Variants in SPSB4 observed in about 807,000 individuals in gnomAD.
SPSB4 encodes splA/ryanodine receptor domain and SOCS box containing 4.
In SPSB4, 21 loss-of-function variants were observed where a neutral mutation model predicts 20.9. That is an observed-to-expected ratio of 1.01 (90% confidence interval 0.71 to 1.45). The LOEUF (loss-of-function observed/expected upper bound fraction) is 1.45. Among genes scored for constraint, SPSB4 ranks in the 40% most tolerant of loss-of-function variants. The pLI, the probability that SPSB4 is intolerant of heterozygous loss-of-function variation, is 0.00. For missense variants in SPSB4, 399 were observed against 399.2 expected (o/e 1.00, Z 0.00); for synonymous variants, 207 against 183.8 (o/e 1.13, Z -1.02).
chr3:141,099,440 T>C (rs1157511913), intron 2 of SPSB4, among the ~76,000 whole-genome samples: 2 of 152,224 alleles, frequency 1.3e-5, no homozygotes, highest in Non-Finnish European at 2.9e-5. Context: ...ATTTTGTATG[T>C]ATAGATTGCT....
At chr3:141,087,298 C>T (rs527488938) in intron 2 of SPSB4, among the ~76,000 whole-genome samples, 1 of 152,260 alleles carries the variant, frequency 6.6e-6, no homozygotes, top group African/African-American at 2.4e-5. Flanking sequence ...TTTAGACTTC[C>T]TGTAGGCAGT....
intron 2 of SPSB4, among the ~76,000 whole-genome samples, chr3:141,076,657 T>TG (rs1470992724): frequency 6.6e-6 from 1 of 152,158 alleles, no homozygotes; most frequent in Non-Finnish European, 1.5e-5. Flanking sequence ...AGCAGTTGCT[T>TG]GGGGGGTGTC....
rs559763919 is a variant in SPSB4, at chr3:141,132,260, C to T, written c.695-14882C>T. 35 of 411,760 alleles carry T rather than the reference C, an allele frequency of 8.5e-5. 1 individual carries two copies. The highest frequency in any genetic ancestry group is 1.8e-4 in the South Asian group (11 of 59,528). The allele number at this position is 411,760 out of a possible 1,614,324, so 25.5% of individuals were successfully genotyped here. A position where few individuals can be genotyped will look rare whatever the true frequency, so the allele number is the denominator to read the frequency against. ...TCGGCTCACTGCAACCTCCGCCTCC[C>T]GGGTTCAAGCTATTCTTCTGCCTCA... On this transcript the variant is annotated intron_variant, in intron 2 of 2. Coordinates refer to ENST00000310546, the MANE Select transcript of SPSB4 (RefSeq NM_080862.3).
At chr3:141,127,674 G>C (rs1479983487) in intron 2 of SPSB4, among the ~76,000 whole-genome samples, 1 of 152,174 alleles carries the variant, frequency 6.6e-6, no homozygotes, top group South Asian at 2.1e-4. Context: ...AACCGGTGGA[G>C]AGGAGCCTCA....
At chr3:141,142,736 A>T (rs934135207) in intron 2 of SPSB4, among the ~76,000 whole-genome samples, 3 of 142,672 alleles carry the variant, frequency 2.1e-5, no homozygotes, top group African/African-American at 7.8e-5. Flanking sequence ...AGGTACATAT[A>T]TATTTAGGAT....
chr3:141,103,499 T>G (rs1194029848), intron 2 of SPSB4, among the ~76,000 whole-genome samples: 1 of 152,218 alleles, frequency 6.6e-6, no homozygotes, highest in Non-Finnish European at 1.5e-5. Context: ...AGTTGGTGCC[T>G]GGGAAGGAAT....
intron 2 of SPSB4, among the ~76,000 whole-genome samples, chr3:141,082,657 ATCTATCTT>A (rs1251792988): frequency 6.7e-6 from 1 of 149,820 alleles, no homozygotes; most frequent in Non-Finnish European, 1.5e-5. Flanking sequence ...CTATCTATCT[ATCTATCTT>A]TCCATTAAAT....
intron 2 of SPSB4, among the ~76,000 whole-genome samples, chr3:141,123,453 T>C (rs1420352253): frequency 2.0e-5 from 3 of 152,266 alleles, no homozygotes; most frequent in African/African-American, 7.2e-5. Flanking sequence ...ATTTTAGTTG[T>C]TCTGCAACTT....
At chr3:141,062,357 A>G (rs1218265024) in intron 1 of SPSB4, among the ~76,000 whole-genome samples, 1 of 151,862 alleles carries the variant, frequency 6.6e-6, no homozygotes, top group Non-Finnish European at 1.5e-5. Context: ...ATGATACATT[A>G]CATGATTAGC....
At chr3:141,118,532 T>A (rs1412402803) in intron 2 of SPSB4, among the ~76,000 whole-genome samples, 1 of 152,268 alleles carries the variant, frequency 6.6e-6, no homozygotes, top group Non-Finnish European at 1.5e-5. Flanking sequence ...TTGTTGCCAT[T>A]GCTTTTGGTG....
chr3:141,067,794 C>T (rs1937919589), intron 2 of SPSB4, among the ~76,000 whole-genome samples: 1 of 152,228 alleles, frequency 6.6e-6, no homozygotes. Context: ...AGCCCACTAG[C>T]ACCAATCCAG....
Position 141,147,363 on chromosome 3 carries a change from T to C in SPSB4, c.*94T>C. Reference sequence around the variant, plus strand: ...CCCATGGCACATAGGGGAAAGGATCTACCCTTCTCCTGGCTCCCCAGGACA... The same window carrying C: ...CCCATGGCACATAGGGGAAAGGATCCACCCTTCTCCTGGCTCCCCAGGACA... On this transcript the variant is annotated 3_prime_UTR_variant, in exon 3 of 3. Coordinates refer to ENST00000310546, the MANE Select transcript of SPSB4 (RefSeq NM_080862.3). The C allele has an allele frequency of 1.3e-6, 2 of 1,560,298 alleles. No homozygotes were observed. Among genetic ancestry groups the C allele is most frequent in the Non-Finnish European group, 1.7e-6 (2 of 1,147,448 alleles).
intron 2 of SPSB4, among the ~76,000 whole-genome samples, chr3:141,079,118 G>A (rs943558092): frequency 2.0e-5 from 3 of 152,056 alleles, no homozygotes; most frequent in South Asian, 2.1e-4. Flanking sequence ...AAAAATAGCC[G>A]GGTGTGGTGG....
chr3:141,145,190 A>G (rs573429377), intron 2 of SPSB4, among the ~76,000 whole-genome samples: 2 of 152,028 alleles, frequency 1.3e-5, no homozygotes, highest in East Asian at 3.9e-4. Flanking sequence ...ATACAATAAA[A>G]ATAATAATTA....
At chr3:141,095,764 A>G (rs1360982019) in intron 2 of SPSB4, among the ~76,000 whole-genome samples, 6 of 152,162 alleles carry the variant, frequency 3.9e-5, no homozygotes, top group Non-Finnish European at 8.8e-5. Context: ...GGGCAGAGGT[A>G]CTGTCCCAGG....
chr3:141,147,199 G>T lies in SPSB4; in HGVS notation c.752G>T (p.Arg251Leu), dbSNP rs79933965. ...AGATCCATCCGCTCGGCCCTGGGCC[G>T]CCAGCGCCTGCAGGACATCAGCTCC... ...CRRSIRSALG[R>L]QRLQDISSLP... is the part of the protein sequence containing the mutation. The change falls in exon 3 of 3, where the codon CGC (arginine) becomes CTC (leucine). Residue 251 changes from arginine to leucine, a missense_variant. Transcript: ENST00000310546. 1.2e-6 allele frequency: 2 copies of T among 1,614,158 alleles called. No individual in the cohort carries two copies. The highest frequency in any genetic ancestry group is 1.7e-6 in the Non-Finnish European group (2 of 1,180,022).
chr3:141,094,241 G>T (rs1262874291), intron 2 of SPSB4, among the ~76,000 whole-genome samples: 1 of 152,210 alleles, frequency 6.6e-6, no homozygotes, highest in Non-Finnish European at 1.5e-5. Flanking sequence ...CTTCTCATCT[G>T]ACTGTGAGCC....
intron 2 of SPSB4, among the ~76,000 whole-genome samples, chr3:141,113,275 C>T (rs1462838508): frequency 1.3e-5 from 2 of 152,140 alleles, no homozygotes; most frequent in Non-Finnish European, 2.9e-5. Context: ...CCCAGCAATT[C>T]CATTCTTAGG....
At chr3:141,133,831 G>C (rs1939175587) in intron 2 of SPSB4, among the ~76,000 whole-genome samples, 1 of 151,960 alleles carries the variant, frequency 6.6e-6, no homozygotes, top group Non-Finnish European at 1.5e-5. Flanking sequence ...GAATGATAAT[G>C]GTATTTTGAT....
Sources: allele counts gnomAD v4.1 joint callset (sites outside exome capture counted in the v4.1 genomes callset), GRCh38; gene constraint gnomAD v4.1.1; transcripts MANE v1.5; gene names NCBI Gene and HGNC (gene_info 2026-07-23, HGNC 2026-07-21).